PHACTR1: variants seen among roughly 807,000 people sequenced by gnomAD.
PHACTR1 encodes the protein phosphatase and actin regulator 1.
PHACTR1 carries 16 observed loss-of-function variants against 69.2 expected under a neutral mutation model. That is an observed-to-expected ratio of 0.23 (90% CI 0.16 to 0.35). The LOEUF is 0.35. PHACTR1 is among the 10% of genes least tolerant of loss of function. The probability of loss-of-function intolerance (pLI) is 1.00; values close to 1 mark genes in which losing one functional copy is unlikely to be tolerated. For synonymous variants in PHACTR1, 312 were observed against 284.5 expected (o/e 1.10, Z -0.97); for missense variants, 510 against 734.7 (o/e 0.69, Z 3.54).
At chr6:12,974,165 C>A (rs528509963) in intron 4 of PHACTR1, among the ~76,000 whole-genome samples, 36 of 152,194 alleles carry the variant, frequency 2.4e-4, no homozygotes, top group African/African-American at 8.4e-4. Flanking sequence ...TGTGATCCAC[C>A]CACCTCCGCC....
chr6:12,887,671 T>C (rs1036766088), intron 4 of PHACTR1, among the ~76,000 whole-genome samples: 6 of 152,196 alleles, frequency 3.9e-5, no homozygotes, highest in Non-Finnish European at 8.8e-5. Context: ...TTACTCTAGG[T>C]GCTCAGGATA....
chr6:12,770,578 C>T (rs923809597), intron 4 of PHACTR1, among the ~76,000 whole-genome samples: 2 of 152,164 alleles, frequency 1.3e-5, no homozygotes, highest in Non-Finnish European at 2.9e-5. Context: ...AGACAGTCTG[C>T]ACAAAACTCA....
At chr6:12,922,383 C>CACATTAATAA (rs1469798061) in intron 4 of PHACTR1, among the ~76,000 whole-genome samples, 77 of 152,296 alleles carry the variant, frequency 5.1e-4, no homozygotes, top group Non-Finnish European at 9.1e-4. Flanking sequence ...ATAATATTGG[C>CACATTAATAA]TTTAGAGAAC....
intron 10 of PHACTR1, among the ~76,000 whole-genome samples, chr6:13,243,425 T>G (rs73357161): frequency 0.056 from 8,480 of 152,230 alleles, 684 homozygotes; most frequent in African/African-American, 0.19. Context: ...AATCATTTTA[T>G]GAAGCATCCA....
At position 12,759,122 on chromosome 6, in the gene PHACTR1, CAA is replaced by C. The variant is rs1229879368; in HGVS notation, c.250+9354_250+9355del. 3.8e-3 allele frequency among the ~76,000 whole-genome samples: 194 copies of C among 51,482 alleles called. 2 individuals carry two copies. The highest frequency in any genetic ancestry group is 0.013 in the African/African-American group (180 of 13,942). 33.8% of individuals were successfully genotyped at this position (51,482 alleles called of 152,430 possible). A position where few individuals can be genotyped will look rare whatever the true frequency, so the allele number is the denominator to read the frequency against. ...TGGGTGAAGAAGCAAGACTCCACCTCAAAAAAAAAAAAAAAAAAAAAAAGAAT... is the reference window on the plus strand; with the variant it reads ...TGGGTGAAGAAGCAAGACTCCACCTCAAAAAAAAAAAAAAAAAAAAAGAAT... On this transcript the variant is annotated intron_variant, in intron 4 of 14. Coordinates refer to ENST00000332995, the MANE Select transcript of PHACTR1 (RefSeq NM_030948.6).
intron 4 of PHACTR1, among the ~76,000 whole-genome samples, chr6:12,914,225 C>G (rs1410025749): frequency 6.6e-6 from 1 of 152,136 alleles, no homozygotes; most frequent in Non-Finnish European, 1.5e-5. Flanking sequence ...GTCTCAATCT[C>G]TTGACCTTGT....
rs147245222 is a variant in PHACTR1 at position 13,255,435 on chromosome 6, A to T, written c.1392-17425A>T. Among the ~76,000 whole-genome samples the T allele has an allele frequency of 4.0e-3, 612 of 152,242 alleles. 6 individuals are homozygous for T. Among genetic ancestry groups the T allele is most frequent in the African/African-American group, 0.014 (583 of 41,538 alleles). ...CTCCCAAATCTCATGTCCTTCTCAT[A>T]TTGCAAAATAAAATCATTCCTTCCC... On this transcript the variant is annotated intron_variant, in intron 10 of 14. Transcript: ENST00000332995.
At chr6:13,130,374 C>T (rs1345438185) in intron 5 of PHACTR1, among the ~76,000 whole-genome samples, 1 of 151,936 alleles carries the variant, frequency 6.6e-6, no homozygotes, top group Non-Finnish European at 1.5e-5. Context: ...ACAAAAAAAA[C>T]TGGTTCTTTG....
chr6:13,225,843 T>G (rs1258681716), intron 8 of PHACTR1, among the ~76,000 whole-genome samples: 3 of 152,168 alleles, frequency 2.0e-5, no homozygotes, highest in Non-Finnish European at 4.4e-5. Flanking sequence ...GGAATTACAT[T>G]TTTTGGCCTC....
At chr6:12,896,052 G>A (rs575163697) in intron 4 of PHACTR1, among the ~76,000 whole-genome samples, 17 of 152,220 alleles carry the variant, frequency 1.1e-4, no homozygotes, top group African/African-American at 3.6e-4. Flanking sequence ...AGTTCTGCAT[G>A]CTAATGCTGA....
At chr6:13,251,316 G>A (rs1477941939) in intron 10 of PHACTR1, among the ~76,000 whole-genome samples, 1 of 152,230 alleles carries the variant, frequency 6.6e-6, no homozygotes, top group African/African-American at 2.4e-5. Flanking sequence ...CCTCAGGATG[G>A]AGGCAGGTGT....
chr6:12,881,375 G>C (rs1783079894), intron 4 of PHACTR1, among the ~76,000 whole-genome samples: 1 of 152,106 alleles, frequency 6.6e-6, no homozygotes, highest in South Asian at 2.1e-4. Flanking sequence ...GAACCTGCAG[G>C]GACAATGGTG....
At position 13,105,397 on chromosome 6, in the gene PHACTR1, C is replaced by T. The variant is rs529665447; in HGVS notation, c.415+51868C>T. Among the ~76,000 whole-genome samples the T allele has an allele frequency of 1.7e-3, 259 of 149,708 alleles. 3 individuals carry two copies. Among genetic ancestry groups the T allele is most frequent in the African/African-American group, 6.0e-3 (244 of 40,964 alleles). ...CTGTCTCTGGCGTGTGTGTCGGGGG[C>T]GGGGTGGGGGTGTGGAGGGAAGTAT... On this transcript the variant is annotated intron_variant, in intron 5 of 14. Transcript: ENST00000332995.
At chr6:13,236,293 T>G (rs1238466376) in intron 10 of PHACTR1, among the ~76,000 whole-genome samples, 1 of 152,216 alleles carries the variant, frequency 6.6e-6, no homozygotes. Flanking sequence ...CACTCACCTA[T>G]GATTATTCCC....
chr6:13,070,468 G>A (rs552491302), intron 5 of PHACTR1, among the ~76,000 whole-genome samples: 1 of 152,208 alleles, frequency 6.6e-6, no homozygotes, highest in East Asian at 1.9e-4. Context: ...TGATAGGTGA[G>A]GGTAAAGAGG....
intron 4 of PHACTR1, among the ~76,000 whole-genome samples, chr6:12,855,956 C>A (rs192004118): frequency 6.6e-6 from 1 of 152,180 alleles, no homozygotes; most frequent in East Asian, 1.9e-4. Flanking sequence ...TCTTTTAATT[C>A]CAGAGCCTTA....
At chr6:12,807,776 T>G (rs1774519044) in intron 4 of PHACTR1, among the ~76,000 whole-genome samples, 1 of 152,240 alleles carries the variant, frequency 6.6e-6, no homozygotes, top group African/African-American at 2.4e-5. Context: ...TCTCCCTAGA[T>G]CTTGAGCTTC....
chr6:13,144,119 A>G (rs1277311007), intron 5 of PHACTR1, among the ~76,000 whole-genome samples: 1 of 152,208 alleles, frequency 6.6e-6, no homozygotes, highest in Non-Finnish European at 1.5e-5. Context: ...CTTAATTGTG[A>G]AATAATGAAG....
chr6:13,103,330 C>A (rs1411013756), intron 5 of PHACTR1, among the ~76,000 whole-genome samples: 1 of 152,126 alleles, frequency 6.6e-6, no homozygotes, highest in Non-Finnish European at 1.5e-5. Context: ...TATCTGAATT[C>A]TTTTCCAAGG....
Sources: allele counts gnomAD v4.1 joint callset (sites outside exome capture counted in the v4.1 genomes callset), GRCh38; gene constraint gnomAD v4.1.1; transcripts MANE v1.5; gene names NCBI Gene and HGNC (gene_info 2026-07-23, HGNC 2026-07-21).